The following FOCAD variants were observed in gnomAD, a reference collection of about 807,000 sequenced individuals.
The protein encoded by FOCAD is focadhesin.
Under a neutral mutation model 225.6 loss-of-function variants are expected in FOCAD, and 198 were observed. The ratio of observed to expected loss-of-function variants is 0.88; its 90% CI spans 0.78 to 0.99. FOCAD has a LOEUF of 0.99. Among genes scored for constraint, FOCAD ranks in the 50% least tolerant of loss-of-function variants. FOCAD has a pLI of 0.00. For synonymous variants in FOCAD, 897 were observed against 755.0 expected, an observed-to-expected ratio of 1.19 and a Z score of -3.08; for missense variants, 2,713 against 2,123.6, an observed-to-expected ratio of 1.28 and a Z score of -5.46.
intron 35 of FOCAD, among the ~76,000 whole-genome samples, chr9:20,959,858 T>A (rs1319558289): frequency 6.6e-6 from 1 of 152,210 alleles, no homozygotes; most frequent in Non-Finnish European, 1.5e-5. Context: ...TATAGATTAA[T>A]TTCTGAGTTC....
At chr9:20,820,158 T>G in intron 12 of FOCAD, 166 bp from the exon 13 acceptor site, 1 of 564,108 alleles carries the variant, frequency 1.8e-6, no homozygotes, top group South Asian at 2.7e-5. Context: ...GATTGTTATC[T>G]AGCCCCTCCA....
intron 30 of FOCAD, among the ~76,000 whole-genome samples, chr9:20,948,005 A>T (rs1227894531): frequency 6.6e-6 from 1 of 152,140 alleles, no homozygotes; most frequent in Non-Finnish European, 1.5e-5. Context: ...AAGCTGCTCA[A>T]TAGTGCAGTA....
chr9:20,839,449 A>G (rs1826301746), intron 15 of FOCAD, among the ~76,000 whole-genome samples: 1 of 150,884 alleles, frequency 6.6e-6, no homozygotes, highest in Non-Finnish European at 1.5e-5. Flanking sequence ...TTTTGTAGAG[A>G]CTGGGTTTGC....
chr9:20,994,093 A>G (rs912856885), intron 43 of FOCAD, among the ~76,000 whole-genome samples: 1 of 152,210 alleles, frequency 6.6e-6, no homozygotes, highest in Non-Finnish European at 1.5e-5. Context: ...TTCTTTTTCA[A>G]ACATCTAAAC....
intron 19 of FOCAD, among the ~76,000 whole-genome samples, chr9:20,878,587 A>G (rs1189486104): frequency 6.6e-6 from 1 of 152,220 alleles, no homozygotes; most frequent in African/African-American, 2.4e-5. Flanking sequence ...GAATATAGTA[A>G]GAAGGAATTG....
chr9:20,839,301 C>G (rs1190106625), intron 15 of FOCAD, among the ~76,000 whole-genome samples: 1 of 150,374 alleles, frequency 6.7e-6, no homozygotes, highest in African/African-American at 2.4e-5. Flanking sequence ...TGCTGTTGCC[C>G]AAGCTGGAGT....
At chr9:20,957,293 G>C (rs1838249877) in intron 35 of FOCAD, among the ~76,000 whole-genome samples, 1 of 151,744 alleles carries the variant, frequency 6.6e-6, no homozygotes, top group Non-Finnish European at 1.5e-5. Flanking sequence ...CTCTAGCTTT[G>C]AGCAATCCTC....
At chr9:20,681,244 T>C (rs1822390132), upstream of FOCAD, among the ~76,000 whole-genome samples, 1 of 152,202 alleles carries the variant, frequency 6.6e-6, no homozygotes, top group African/African-American at 2.4e-5. Context: ...TATCATTTCA[T>C]ATGAGAAAAC....
At position 20,882,657 on chromosome 9, in the gene FOCAD, C is replaced by T. The variant is rs530952284; in HGVS notation, c.2503+601C>T. Among the ~76,000 whole-genome samples, 4 of 152,314 alleles carry T rather than the reference C, an allele frequency of 2.6e-5. No homozygotes were observed. In the East Asian group the frequency reaches 7.7e-4, roughly 29 times the overall value. ...CCACAGCTGGAATCTGAGCATTCAG[C>T]CTCAACTTTATTGAGAAGCTGGTGA... On this transcript the variant is annotated intron_variant, in intron 20 of 43. Coordinates refer to ENST00000338382, the MANE Select transcript of FOCAD (RefSeq NM_001375567.1).
chr9:20,930,512 G>T (rs541692846), intron 27 of FOCAD, among the ~76,000 whole-genome samples: 42 of 152,310 alleles, frequency 2.8e-4, no homozygotes, highest in African/African-American at 9.9e-4. Context: ...GAAATTAGTT[G>T]TCCAAAGGCA....
chr9:20,703,008 CA>C (rs1249387538), intron 1 of FOCAD, among the ~76,000 whole-genome samples: 2 of 151,340 alleles, frequency 1.3e-5, no homozygotes, highest in East Asian at 1.9e-4. Context: ...CTCCATCTCA[CA>C]AAAAAAACAA....
chr9:20,671,337 A>C (rs950141621), intron 2 of FOCAD, among the ~76,000 whole-genome samples: 2 of 152,236 alleles, frequency 1.3e-5, no homozygotes, highest in African/African-American at 4.8e-5. Flanking sequence ...CCTTAGTATT[A>C]GTGAAAACAA....
At chr9:20,743,312 A>G (rs940794641) in intron 5 of FOCAD, among the ~76,000 whole-genome samples, 2 of 152,218 alleles carry the variant, frequency 1.3e-5, no homozygotes, top group African/African-American at 4.8e-5. Flanking sequence ...AAGCTTTCTG[A>G]GCATGCAGCT....
At position 20,986,266 on chromosome 9, in the gene FOCAD, A is replaced by ATTTTTTTTTTTT. The variant is rs545976303; in HGVS notation, c.4729-16_4729-5dup. 1,848 of 709,584 alleles carry ATTTTTTTTTTTT rather than the reference A, an allele frequency of 2.6e-3. 509 individuals are homozygous for ATTTTTTTTTTTT. The highest frequency in any genetic ancestry group is 2.8e-3 in the South Asian group (97 of 34,486). 44.0% of individuals were successfully genotyped at this position (709,584 alleles called of 1,614,324 possible). ...CAGTTAATTTAATAGTAACTAAACA[A>ATTTTTTTTTTTT]TTTTTTTTTTTTTTTTTGCAGAGCA... On this transcript the variant is annotated intron_variant, in intron 39 of 43. Transcript: ENST00000338382.
intron 27 of FOCAD, among the ~76,000 whole-genome samples, chr9:20,930,980 CTT>C (rs1835411884): frequency 1.3e-5 from 2 of 152,122 alleles, no homozygotes; most frequent in African/African-American, 4.8e-5. Context: ...TCTTTGGTAT[CTT>C]TTCAAGCAAC....
At chr9:20,658,120 A>G (rs918112535), upstream of FOCAD, among the ~76,000 whole-genome samples, 1 of 150,768 alleles carries the variant, frequency 6.6e-6, no homozygotes, top group African/African-American at 2.4e-5. Flanking sequence ...CCACTTGAGG[A>G]GGCAGTCTGC....
chr9:20,918,506 G>A (rs1834064360), intron 24 of FOCAD, among the ~76,000 whole-genome samples: 1 of 152,076 alleles, frequency 6.6e-6, no homozygotes, highest in Non-Finnish European at 1.5e-5. Flanking sequence ...GGCGGATCAC[G>A]AGGTCAGGAG....
intron 15 of FOCAD, among the ~76,000 whole-genome samples, chr9:20,845,084 C>T (rs538221707): frequency 2.0e-4 from 31 of 152,188 alleles, no homozygotes; most frequent in Non-Finnish European, 4.0e-4. Context: ...GTGTCTGCTT[C>T]TTTATGAGAC....
chr9:20,800,516 G>T (rs1821679669), intron 11 of FOCAD, among the ~76,000 whole-genome samples: 1 of 152,008 alleles, frequency 6.6e-6, no homozygotes, highest in Non-Finnish European at 1.5e-5. Context: ...TTTTCACATA[G>T]TCCCATATTT....
Sources: gnomAD v4.1 joint callset for allele counts (sites outside exome capture counted in the v4.1 genomes callset) on GRCh38, gnomAD v4.1.1 for gene constraint, MANE v1.5 for transcripts, NCBI Gene and HGNC (gene_info 2026-07-23, HGNC 2026-07-21) for gene names.